FANCD2: variants seen among roughly 807,000 people sequenced by gnomAD.
FANCD2 encodes Fanconi anemia group D2 protein.
Under a neutral mutation model 192.3 loss-of-function variants are expected in FANCD2, and 131 were observed. That is an observed-to-expected ratio of 0.68 (90% CI 0.59 to 0.79). The LOEUF (loss-of-function observed/expected upper bound fraction) is 0.79, where lower values mean the gene tolerates loss of function less well. FANCD2 is among the 30% of genes least tolerant of loss of function. The pLI, the probability that FANCD2 is intolerant of heterozygous loss-of-function variation, is 0.00. For synonymous variants in FANCD2, 524 were observed against 612.5 expected, an observed-to-expected ratio of 0.86 and a Z score of 2.13; for missense variants, 1,508 against 1,701.6, an observed-to-expected ratio of 0.89 and a Z score of 2.00.
Position 10,042,677 on chromosome 3 carries a change from T to G in FANCD2, c.888+14T>G, listed in dbSNP as rs1214763207. ...GATACACTTGAGGTATGCTCTTATA[T>G]CCCATCACACCTAGATAAAGCAACT... On this transcript the variant is annotated intron_variant, in intron 11 of 43. Coordinates refer to ENST00000675286, the MANE Select transcript of FANCD2 (RefSeq NM_001018115.3). 1 of 1,600,052 alleles carries G rather than the reference T, an allele frequency of 6.2e-7. No homozygotes were observed. The highest frequency in any genetic ancestry group is 8.6e-7 in the Non-Finnish European group (1 of 1,167,206).
chr3:10,051,171 GA>G (rs1472298422), intron 17 of FANCD2, among the ~76,000 whole-genome samples: 3 of 150,968 alleles, frequency 2.0e-5, no homozygotes, highest in African/African-American at 7.3e-5. Context: ...ACGAGGTCAG[GA>G]GATCGAGACC....
rs1360526177 is a variant in FANCD2 at position 10,039,787 on chromosome 3, A to G, written c.637A>G (p.Thr213Ala). 6.2e-7 allele frequency: 1 copy of G among 1,613,914 alleles called. No individual in the cohort carries two copies. Among genetic ancestry groups the G allele is most frequent in the South Asian group, 1.1e-5 (1 of 91,064 alleles). The change falls in exon 9 of 44, where the codon ACC (threonine) becomes GCC (alanine). Residue 213 changes from threonine (T) to alanine (A), a missense_variant. Transcript: ENST00000675286. ...APENLQHDII[T>A]SLPEILGDSQ... ...AGAGAACCTGCAGCATGACATCATC[A>G]CCAGCCTACCTGAGATCCTAGGGGA...
At chr3:10,054,685 G>T (rs1361887529) in intron 18 of FANCD2, among the ~76,000 whole-genome samples, 1 of 149,446 alleles carries the variant, frequency 6.7e-6, no homozygotes, top group Non-Finnish European at 1.5e-5. Flanking sequence ...GGGTTTCACC[G>T]TGTTAGCCAG....
chr3:10,101,004 G>A (rs1266087647), intron 43 of FANCD2, among the ~76,000 whole-genome samples, 184 bp from the exon 44 acceptor site: 1 of 151,982 alleles, frequency 6.6e-6, no homozygotes, highest in Admixed American at 6.6e-5. Flanking sequence ...GGGAGGCAGA[G>A]GTTGCAGTGA....
At chr3:10,040,508 T>G (rs936727813) in intron 9 of FANCD2, 1 of 456,614 alleles carries the variant, frequency 2.2e-6, no homozygotes, top group African/African-American at 2.0e-5. Context: ...GTGGAGCCTA[T>G]TAAACATCTA....
intron 26 of FANCD2, among the ~76,000 whole-genome samples, chr3:10,072,090 G>C (rs1693284817): frequency 6.6e-6 from 1 of 152,106 alleles, no homozygotes; most frequent in Non-Finnish European, 1.5e-5. Context: ...ACAACAGGGT[G>C]ACTACAGTCA....
intron 14 of FANCD2, 71 bp downstream of exon 14, chr3:10,043,935 C>T: frequency 1.6e-6 from 2 of 1,282,406 alleles, no homozygotes; most frequent in Admixed American, 1.7e-5. Context: ...GCTTGCCTTC[C>T]CACTGTCTTT....
At chr3:10,098,939 T>C (rs1695141336) in intron 43 of FANCD2, 124 bp downstream of exon 43, 1 of 1,614,088 alleles carries the variant, frequency 6.2e-7, no homozygotes, top group Non-Finnish European at 8.5e-7. Flanking sequence ...CCCATTTCCA[T>C]TCCCTCCATA....
At chr3:10,050,760 G>A (rs2087176871) in intron 17 of FANCD2, among the ~76,000 whole-genome samples, 2 of 151,886 alleles carry the variant, frequency 1.3e-5, no homozygotes, top group African/African-American at 2.4e-5. Context: ...CTTAAAGGAT[G>A]TCAGGTAGCA....
chr3:10,043,242 T>C, intron 12 of FANCD2, 92 bp downstream of exon 12: 1 of 924,818 alleles, frequency 1.1e-6, no homozygotes, highest in African/African-American at 1.6e-5. Flanking sequence ...AATGATACTA[T>C]TATGACATTT....
chr3:10,043,579 A>G lies in FANCD2; in HGVS notation c.1085A>G (p.Glu362Gly), dbSNP rs951763949. 1.7e-5 allele frequency: 28 copies of G among 1,611,484 alleles called. No individual in the cohort carries two copies. The African/African-American group carries it at 3.5e-4, about 20-fold the overall frequency. ...ATTAGATATGAGAAAACCATTTCAG[A>G]AGCCTGGATTAAGGTGAGATCTTTG... ...SAIRYEKTIS[E>G]AWIKAIENTA... The change falls in exon 13 of 44, where the codon GAA (glutamate) becomes GGA (glycine). Residue 362 changes from glutamate (E) to glycine (G), a missense_variant. This residue lies in a region of FANCD2 where 435 missense variants were observed against 421.9 expected (regional missense o/e 1.03). Coordinates refer to ENST00000675286, the MANE Select transcript of FANCD2 (RefSeq NM_001018115.3).
At chr3:10,062,512 G>A (rs141497282) in intron 20 of FANCD2, among the ~76,000 whole-genome samples, 1 of 152,228 alleles carries the variant, frequency 6.6e-6, no homozygotes, top group South Asian at 2.1e-4. Context: ...AAAGTGCTGG[G>A]AGTACAGGCG....
At chr3:10,036,266 T>A in intron 6 of FANCD2, 21 bp from the exon 7 acceptor site, 1 of 1,597,338 alleles carries the variant, frequency 6.3e-7, no homozygotes, top group East Asian at 2.2e-5. Context: ...ATCTCCTAAC[T>A]CCCTATGTCT....
intron 26 of FANCD2, among the ~76,000 whole-genome samples, chr3:10,070,566 C>T (rs1321096087): frequency 1.7e-3 from 249 of 144,882 alleles, no homozygotes; most frequent in African/African-American, 6.4e-3. Flanking sequence ...CGCCTCTGCC[C>T]GGCCGCCCCT....
intron 37 of FANCD2, among the ~76,000 whole-genome samples, chr3:10,091,261 A>C (rs985112739): frequency 6.6e-6 from 1 of 151,122 alleles, no homozygotes; most frequent in Non-Finnish European, 1.5e-5. Flanking sequence ...TTCTATTTTT[A>C]GTAGAGGCGG....
chr3:10,058,286 A>G (rs1412065654), intron 18 of FANCD2: 2 of 169,980 alleles, frequency 1.2e-5, no homozygotes, highest in Non-Finnish European at 2.6e-5. Flanking sequence ...AGCATCACCC[A>G]TATATAATTC....
chr3:10,038,526 T>C (rs979487142), intron 7 of FANCD2, among the ~76,000 whole-genome samples: 1 of 152,032 alleles, frequency 6.6e-6, no homozygotes, highest in Admixed American at 6.6e-5. Flanking sequence ...TTTAGTACTT[T>C]TATAAATATA....
At chr3:10,086,319 A>G (rs55822690) in intron 33 of FANCD2, among the ~76,000 whole-genome samples, 31,731 of 152,010 alleles carry the variant, frequency 0.21, 4,037 homozygotes, top group African/African-American at 0.36. Flanking sequence ...TATGTGGCTG[A>G]GGGGTAGGCA....
intron 21 of FANCD2, 25 bp from the exon 22 acceptor site, chr3:10,064,331 C>T (rs756498629): frequency 6.4e-7 from 1 of 1,552,080 alleles, no homozygotes; most frequent in Non-Finnish European, 8.9e-7. Flanking sequence ...CTGCACTGCC[C>T]TTTTTGTTTG....
Sources: gnomAD v4.1 joint callset for allele counts (sites outside exome capture counted in the v4.1 genomes callset) on GRCh38, gnomAD v4.1.1 for gene constraint, gnomAD v4.1.1 regional missense constraint, MANE v1.5 for transcripts, NCBI Gene and HGNC (gene_info 2026-07-23, HGNC 2026-07-21) for gene names.